The following ZNF516 variants were observed in gnomAD, a reference collection of about 807,000 sequenced individuals.
The protein encoded by ZNF516 is zinc finger protein 516.
Under a neutral mutation model 79.7 loss-of-function variants are expected in ZNF516, and 19 were observed. That is an observed-to-expected ratio of 0.24 (90% CI 0.17 to 0.35). The LOEUF (loss-of-function observed/expected upper bound fraction) is 0.35. ZNF516 is among the 10% of genes least tolerant of loss of function. The pLI, the probability that ZNF516 is intolerant of heterozygous loss-of-function variation, is 1.00. For missense variants in ZNF516, 1,678 were observed against 1,679.5 expected (o/e 1.00, Z 0.02); for synonymous variants, 877 against 739.5 (o/e 1.19, Z -3.02).
intron 3 of ZNF516, among the ~76,000 whole-genome samples, chr18:76,389,824 A>G (rs919209253): frequency 6.6e-6 from 1 of 152,130 alleles, no homozygotes; most frequent in Non-Finnish European, 1.5e-5. Context: ...ACTGCCCGCA[A>G]CCCTGGGACC....
intron 4 of ZNF516, among the ~76,000 whole-genome samples, chr18:76,373,512 C>T (rs1045422019): frequency 6.6e-6 from 1 of 152,206 alleles, no homozygotes; most frequent in Non-Finnish European, 1.5e-5. Flanking sequence ...AATCTGACCA[C>T]GCCTACACAC....
At chr18:76,490,683 T>C in intron 1 of ZNF516, 1 of 779,008 alleles carries the variant, frequency 1.3e-6, no homozygotes, top group Non-Finnish European at 1.6e-6. Context: ...TAAATTACCT[T>C]CAATCAAGAT....
intron 1 of ZNF516, among the ~76,000 whole-genome samples, chr18:76,487,364 C>CCA (rs1162196807): frequency 6.6e-6 from 1 of 152,208 alleles, no homozygotes; most frequent in African/African-American, 2.4e-5. Flanking sequence ...ACACTTCGTA[C>CCA]ACTGTAGTGG....
intron 1 of ZNF516, among the ~76,000 whole-genome samples, chr18:76,472,282 C>T (rs1200296825): frequency 6.6e-6 from 1 of 152,138 alleles, no homozygotes; most frequent in Non-Finnish European, 1.5e-5. Flanking sequence ...TGGTCTTTAA[C>T]GGCTTCTCAA....
chr18:76,390,568 C>T (rs1384811803), intron 3 of ZNF516, among the ~76,000 whole-genome samples: 2 of 152,212 alleles, frequency 1.3e-5, no homozygotes, highest in African/African-American at 4.8e-5. Flanking sequence ...CCAGGCAGGC[C>T]TTGGGTCGAC....
intron 1 of ZNF516, among the ~76,000 whole-genome samples, chr18:76,464,870 C>T (rs762900921): frequency 1.3e-3 from 205 of 152,220 alleles, no homozygotes; most frequent in Non-Finnish European, 1.2e-3. Context: ...ATCATGGGAG[C>T]CTTACGCAGT....
rs1188788695 is a variant in ZNF516, at chr18:76,358,649, CAT to C, written c.*3847_*3848del. 1.3e-5 allele frequency: 2 copies of C among 152,240 alleles called. No homozygotes were observed. The highest frequency in any genetic ancestry group is 4.8e-5 in the African/African-American group (2 of 41,452). 9.4% of individuals were successfully genotyped at this position (152,240 alleles called of 1,614,324 possible). A position where few individuals can be genotyped will look rare whatever the true frequency, so the allele number is the denominator to read the frequency against. ...ACCAAAGTTAAAAGCAGTAAAACAA[CAT>C]ATGCTACTTAAGACATTTTGAAGCA... is the stretch of plus-strand genomic sequence containing the variant. On this transcript the variant is annotated 3_prime_UTR_variant, in exon 7 of 7. Coordinates refer to ENST00000443185, the MANE Select transcript of ZNF516 (RefSeq NM_014643.4).
At chr18:76,429,410 T>C (rs778298497) in intron 3 of ZNF516, among the ~76,000 whole-genome samples, 4 of 152,170 alleles carry the variant, frequency 2.6e-5, no homozygotes, top group Non-Finnish European at 4.4e-5. Flanking sequence ...CAATCCACGC[T>C]CCCCAGCCTC....
intron 2 of ZNF516, among the ~76,000 whole-genome samples, chr18:76,447,892 T>A (rs1040788200): frequency 6.6e-5 from 10 of 152,168 alleles, no homozygotes; most frequent in African/African-American, 2.4e-4. Context: ...TGAGTGTGTG[T>A]GAGTGTGTGT....
At chr18:76,461,998 A>G (rs1913143095) in intron 2 of ZNF516, among the ~76,000 whole-genome samples, 1 of 152,234 alleles carries the variant, frequency 6.6e-6, no homozygotes, top group Non-Finnish European at 1.5e-5. Flanking sequence ...CCAAGCCCGG[A>G]TATCAAGCGT....
intron 3 of ZNF516, among the ~76,000 whole-genome samples, chr18:76,417,508 G>T (rs1457491909): frequency 2.6e-5 from 4 of 152,128 alleles, no homozygotes; most frequent in South Asian, 4.1e-4. Flanking sequence ...ATTTAAATAG[G>T]TATATAATCC....
chr18:76,391,870 T>C (rs1479155982), intron 3 of ZNF516, among the ~76,000 whole-genome samples: 1 of 152,096 alleles, frequency 6.6e-6, no homozygotes, highest in Non-Finnish European at 1.5e-5. Flanking sequence ...GGAGACCCCA[T>C]CAGACAGAGA....
intron 4 of ZNF516, 89 bp downstream of exon 4, chr18:76,378,766 G>A: frequency 6.7e-7 from 1 of 1,499,272 alleles, no homozygotes; most frequent in Non-Finnish European, 8.9e-7. Flanking sequence ...CAGGGACATG[G>A]ACAGGCAGGT....
At chr18:76,405,925 T>G (rs1048344339) in intron 3 of ZNF516, among the ~76,000 whole-genome samples, 1 of 152,108 alleles carries the variant, frequency 6.6e-6, no homozygotes, top group Non-Finnish European at 1.5e-5. Context: ...CCACCTTGCA[T>G]GGCGGCTTCT....
chr18:76,462,658 TCTTA>T (rs763065692), intron 2 of ZNF516, among the ~76,000 whole-genome samples: 3 of 152,098 alleles, frequency 2.0e-5, no homozygotes, highest in Non-Finnish European at 4.4e-5. Flanking sequence ...AGAAAGTGGG[TCTTA>T]CTCATATGCA....
rs1043954534 is a variant in ZNF516 at position 76,358,088 on chromosome 18, T to C, written c.*4410A>G. ...CCATAAATAAAGAGCATTAACACTT[T>C]GGTTTATGTTCAGCCAACAAAAATA... On this transcript the variant is annotated 3_prime_UTR_variant, in exon 7 of 7. Transcript: ENST00000443185. The C allele has an allele frequency of 6.6e-6, 1 of 152,208 alleles. No individual in the cohort carries two copies. Among genetic ancestry groups the C allele is most frequent in the Non-Finnish European group, 1.5e-5 (1 of 68,036 alleles). 9.4% of individuals were successfully genotyped at this position (152,208 alleles called of 1,614,324 possible).
intron 3 of ZNF516, among the ~76,000 whole-genome samples, chr18:76,404,330 CGTGTGTAT>C (rs999147770): frequency 3.3e-5 from 4 of 122,392 alleles, no homozygotes; most frequent in Admixed American, 2.7e-4. Context: ...GCATGTGGAC[CGTGTGTAT>C]GTGTGAGTGC....
At chr18:76,364,565 T>C (rs2074585387) in intron 6 of ZNF516, among the ~76,000 whole-genome samples, 1 of 152,170 alleles carries the variant, frequency 6.6e-6, no homozygotes, top group Non-Finnish European at 1.5e-5. Flanking sequence ...GGTATTTCAG[T>C]GTTCTAGGGA....
At position 76,370,540 on chromosome 18, in the gene ZNF516, G is replaced by T. The variant is rs765139955; in HGVS notation, c.3420C>A (p.Asp1140Glu). The T allele has an allele frequency of 1.2e-6, 2 of 1,607,134 alleles. No homozygotes were observed. The highest frequency in any genetic ancestry group is 2.7e-5 in the African/African-American group (2 of 74,718). Residue 1140 changes from aspartate to glutamate, a missense_variant, in exon 6 of 7, where the codon GAC (aspartate) becomes GAA (glutamate). Physicochemically the swap from Asp to Glu is conservative, Grantham distance 45. Transcript: ENST00000443185. ...TCATGAGACCTACTTGTTTGGGGGC[G>T]TCTGCGGAGGTGGTATGAACTTCAG... Reference protein sequence around the residue: ...RGSEVHTTSADAPKQGRDHSN... With the variant: ...RGSEVHTTSAEAPKQGRDHSN...
Sources: gnomAD v4.1 joint callset for allele counts (sites outside exome capture counted in the v4.1 genomes callset) on GRCh38, gnomAD v4.1.1 for gene constraint, MANE v1.5 for transcripts, NCBI Gene and HGNC (gene_info 2026-07-23, HGNC 2026-07-21) for gene names.